Variants in GNA12 observed in about 807,000 individuals in gnomAD.
The protein encoded by GNA12 is G protein subunit alpha 12.
In GNA12, 9 loss-of-function variants were observed where a neutral mutation model predicts 26.0. The ratio of observed to expected loss-of-function variants is 0.35; its 90% CI spans 0.21 to 0.60. GNA12 has a LOEUF of 0.60. Among genes scored for constraint, GNA12 ranks in the 20% least tolerant of loss-of-function variants. The pLI is 0.78. For missense variants in GNA12, 405 were observed against 525.8 expected, an observed-to-expected ratio of 0.77 and a Z score of 2.25; for synonymous variants, 264 against 219.6, an observed-to-expected ratio of 1.20 and a Z score of -1.79.
In GNA12 at chr7:2,728,533, C is replaced by T. The variant is rs1789724914; in HGVS notation, c.*2648G>A. The T allele has an allele frequency of 1.3e-5, 2 of 152,438 alleles. No homozygotes were observed. The highest frequency in any genetic ancestry group is 2.9e-5 in the Non-Finnish European group (2 of 68,038). The allele number at this position is 152,438 out of a possible 1,614,324, so 9.4% of individuals were successfully genotyped here. The stretch of plus-strand genomic sequence containing the variant: ...AAACCCTATATGCGTCTTATGTGTA[C>T]ACAGTATAGCTATGAGGAACAGATC... On this transcript the variant is annotated 3_prime_UTR_variant, in exon 4 of 4. Coordinates refer to ENST00000275364, the MANE Select transcript of GNA12 (RefSeq NM_007353.3).
chr7:2,783,636 A>G (rs1744313191), intron 2 of GNA12, among the ~76,000 whole-genome samples: 1 of 147,540 alleles, frequency 6.8e-6, no homozygotes. Context: ...GTCAGTGCTT[A>G]GAGGCTGTAA....
intron 2 of GNA12, among the ~76,000 whole-genome samples, chr7:2,781,816 C>T (rs1228731217): frequency 1.3e-5 from 2 of 152,134 alleles, no homozygotes; most frequent in African/African-American, 4.8e-5. Context: ...ACAACTACAA[C>T]TTGACATCAT....
At chr7:2,842,907 A>T (rs544324747) in intron 1 of GNA12, among the ~76,000 whole-genome samples, 1 of 152,354 alleles carries the variant, frequency 6.6e-6, no homozygotes, top group Admixed American at 6.5e-5. Flanking sequence ...ACAGGTGAAT[A>T]GGATTGGCAC....
intron 2 of GNA12, among the ~76,000 whole-genome samples, chr7:2,777,121 G>A (rs1431414371): frequency 6.6e-6 from 1 of 152,152 alleles, no homozygotes; most frequent in Non-Finnish European, 1.5e-5. Context: ...CTGAATGGGA[G>A]TGGACTGAGG....
intron 2 of GNA12, among the ~76,000 whole-genome samples, chr7:2,756,763 C>G (rs1336025765): frequency 6.6e-6 from 1 of 152,122 alleles, no homozygotes; most frequent in Non-Finnish European, 1.5e-5. Context: ...TATGATGGAA[C>G]ATCACTTTTG....
intron 2 of GNA12, among the ~76,000 whole-genome samples, chr7:2,754,650 G>T (rs920817024): frequency 6.6e-6 from 1 of 152,080 alleles, no homozygotes. Flanking sequence ...AGGGGAGGCT[G>T]GGACAAGAGG....
At position 2,795,040 on chromosome 7, in the gene GNA12, G is replaced by A. The variant is rs1181416866; in HGVS notation, c.413C>T (p.Ala138Val). 3 of 1,613,826 alleles carry A rather than the reference G, an allele frequency of 1.9e-6. No homozygotes were observed. Among genetic ancestry groups the A allele is most frequent in the South Asian group, 1.1e-5 (1 of 91,068 alleles). The stretch of plus-strand genomic sequence containing the variant: ...GGTGGCCGGCTCCACAGGCAGCCCC[G>A]CCTTGTTCTCGAAGGCCATCAGGAA... The part of the protein sequence containing the change: ...GMFLMAFENK[A>V]GLPVEPATFQ... The change falls in exon 2 of 4, where the codon GCG becomes GTG. Residue 138 changes from alanine to valine, a missense_variant. Transcript: ENST00000275364.
chr7:2,731,182 C>T lies in GNA12; in HGVS notation c.1145G>A (p.Ter382=). The T allele has an allele frequency of 1.2e-6, 2 of 1,602,630 alleles. No homozygotes were observed. The highest frequency in any genetic ancestry group is 1.1e-5 in the South Asian group (1 of 90,406). Reference sequence around the variant, plus strand: ...CGACAAACCCCGGGGCTTCCTCGCTCACTGCAGCATGATGTCCTTCAGGTT... The same window carrying T: ...CGACAAACCCCGGGGCTTCCTCGCTTACTGCAGCATGATGTCCTTCAGGTT... The part of the protein sequence containing the change: ...QENLKDIMLQ[*] Residue 382 remains the stop codon, a stop_retained_variant, in exon 4 of 4, where the codon TGA becomes TAA. Coordinates refer to ENST00000275364, the MANE Select transcript of GNA12 (RefSeq NM_007353.3). The surrounding 1 kb of genome is among the most constrained non-coding windows in gnomAD (Gnocchi z 6.0).
chr7:2,802,654 G>A (rs1792839882), intron 1 of GNA12, among the ~76,000 whole-genome samples: 1 of 152,110 alleles, frequency 6.6e-6, no homozygotes, highest in African/African-American at 2.4e-5. Context: ...ATGTTCACTC[G>A]GGCAACAGCA....
chr7:2,819,185 C>G lies in GNA12; in HGVS notation c.310-24042G>C, dbSNP rs896480118. ...GGCTGCAAGCAAGACTGGAGGGAGG[C>G]CTCCAGGAGCCGAGGGAGGTCAGAA... On this transcript the variant is annotated intron_variant, in intron 1 of 3. Transcript: ENST00000275364. Among the ~76,000 whole-genome samples, 3 of 152,120 alleles carry G rather than the reference C, an allele frequency of 2.0e-5. No homozygotes were observed. The East Asian group carries it at 5.8e-4, about 29-fold the overall frequency.
intron 2 of GNA12, among the ~76,000 whole-genome samples, chr7:2,761,884 G>C (rs562465574): frequency 2.0e-5 from 3 of 152,262 alleles, no homozygotes; most frequent in South Asian, 4.2e-4. Flanking sequence ...TCGGCTTCCA[G>C]CTGGTCCAGT....
intron 2 of GNA12, among the ~76,000 whole-genome samples, chr7:2,783,649 C>CATTTATTTATTTATTT (rs60404277): frequency 0.021 from 2,925 of 138,638 alleles, 54 homozygotes; most frequent in East Asian, 0.069. Flanking sequence ...GGCTGTAACA[C>CATTTATTTATTTATTT]ATTTATTTAT....
intron 1 of GNA12, among the ~76,000 whole-genome samples, chr7:2,827,408 TA>T (rs1793510225): frequency 6.6e-6 from 1 of 152,170 alleles, no homozygotes; most frequent in Non-Finnish European, 1.5e-5. Flanking sequence ...TCGATTATTT[TA>T]AAAAACAGAG....
At chr7:2,768,506 C>T (rs550472342) in intron 2 of GNA12, among the ~76,000 whole-genome samples, 2 of 151,862 alleles carry the variant, frequency 1.3e-5, no homozygotes, top group South Asian at 4.1e-4. Flanking sequence ...AGTCCTGAGA[C>T]ATGCCCTTAA....
Position 2,844,292 on chromosome 7 carries a change from GCT to G in GNA12, c.-133_-132del. On this transcript the variant is annotated 5_prime_UTR_variant, in exon 1 of 4. Coordinates refer to ENST00000275364, the MANE Select transcript of GNA12 (RefSeq NM_007353.3). ...GCCTCAGGCCGCGTCCGCCGCCGCC[GCT>G]GCAGTCGCTCCGAGGCCCGCACTCG... 3.3e-6 allele frequency: 1 copy of G among 306,334 alleles called. No individual in the cohort carries two copies. Among genetic ancestry groups the G allele is most frequent in the Non-Finnish European group, 4.8e-6 (1 of 210,492 alleles). The allele number at this position is 306,334 out of a possible 1,614,324, so 19.0% of individuals were successfully genotyped here.
At chr7:2,841,266 C>T (rs1004319519) in intron 1 of GNA12, among the ~76,000 whole-genome samples, 11 of 152,196 alleles carry the variant, frequency 7.2e-5, no homozygotes, top group Non-Finnish European at 1.5e-4. Flanking sequence ...ATTCTCCTGC[C>T]AGGAGGTTGA....
chr7:2,821,728 C>G (rs1793375242), intron 1 of GNA12, among the ~76,000 whole-genome samples: 1 of 152,206 alleles, frequency 6.6e-6, no homozygotes, highest in Admixed American at 6.5e-5. Flanking sequence ...TGTGGCAAGT[C>G]TAGTAGCAAA....
chr7:2,835,834 G>T (rs752083409), intron 1 of GNA12: 1 of 635,282 alleles, frequency 1.6e-6, no homozygotes. Context: ...TTATCAAATC[G>T]GTGATGTCTT....
intron 2 of GNA12, among the ~76,000 whole-genome samples, chr7:2,736,046 G>A (rs1306746385): frequency 6.6e-6 from 1 of 152,198 alleles, no homozygotes; most frequent in Non-Finnish European, 1.5e-5. Flanking sequence ...CCCACGGGAC[G>A]ATCGTTTGCG....
Sources: gnomAD v4.1 joint callset for allele counts (sites outside exome capture counted in the v4.1 genomes callset) on GRCh38, gnomAD v4.1.1 for gene constraint, Gnocchi (gnomAD v3.1) non-coding constraint, MANE v1.5 for transcripts, NCBI Gene and HGNC (gene_info 2026-07-23, HGNC 2026-07-21) for gene names.